The following WDR49 variants were observed in gnomAD, a reference collection of about 807,000 sequenced individuals.
WDR49 encodes WD repeat domain 49.
Under a neutral mutation model 119.5 loss-of-function variants are expected in WDR49, and 107 were observed. That is an observed-to-expected ratio of 0.90 (90% confidence interval 0.77 to 1.05). WDR49 has a LOEUF of 1.05. Among genes scored for constraint, WDR49 ranks in the 50% least tolerant of loss-of-function variants. The pLI is 0.00. For missense variants in WDR49, 1,240 were observed against 1,220.5 expected (o/e 1.02, Z -0.24); for synonymous variants, 425 against 418.8 (o/e 1.01, Z -0.18).
chr3:167,596,486 A>G (rs1363474419), intron 7 of WDR49, among the ~76,000 whole-genome samples: 2 of 151,708 alleles, frequency 1.3e-5, no homozygotes, highest in Non-Finnish European at 2.9e-5. Flanking sequence ...TCCAACAATG[A>G]TAGACTGGAT....
chr3:167,505,411 C>A lies in WDR49; in HGVS notation c.2780G>T (p.Arg927Ile). The A allele has an allele frequency of 6.6e-7, 1 of 1,511,720 alleles. No individual in the cohort carries two copies. Among genetic ancestry groups the A allele is most frequent in the South Asian group, 1.4e-5 (1 of 73,242 alleles). 93.6% of individuals were successfully genotyped at this position (1,511,720 alleles called of 1,614,324 possible). Reference protein sequence around the residue: ...KNKDDSTYNVRPSEDINLDIK... With the variant: ...KNKDDSTYNVIPSEDINLDIK... The stretch of plus-strand genomic sequence containing the variant: ...ATCTAAATTTATATCTTCTGATGGT[C>A]TGACACTGGAAGAAAATATTTCATG... The change falls in exon 17 of 19, where the codon AGA becomes ATA. Residue 927 changes from arginine to isoleucine, a missense_variant. Physicochemically the swap from Arg to Ile is moderately conservative, Grantham distance 97 (BLOSUM62 -3). Transcript: ENST00000682715.
Position 167,478,986 on chromosome 3 carries a change from AG to A in WDR49, c.3041del (p.Ala1014ValfsTer31), listed in dbSNP as rs1223833879. On this transcript the variant is annotated frameshift_variant, in exon 19 of 19. Coordinates refer to ENST00000682715, the MANE Select transcript of WDR49 (RefSeq NM_001366157.1). LOFTEE classifies it high-confidence loss of function. ...GAAACAGGTTTTTCTCATCAAATAC[AG>A]CTTTCAAAGCTACAAAATGATGAGG... ...EAPSLFKTLK[A>X]VFDEKNLFPK... is the part of the protein sequence containing the mutation. The A allele has an allele frequency of 1.1e-5, 17 of 1,594,656 alleles. No homozygotes were observed. Among genetic ancestry groups the A allele is most frequent in the African/African-American group, 4.1e-5 (3 of 74,068 alleles).
At chr3:167,538,160 C>T (rs184886942) in intron 10 of WDR49, among the ~76,000 whole-genome samples, 3 of 152,136 alleles carry the variant, frequency 2.0e-5, no homozygotes, top group Non-Finnish European at 4.4e-5. Flanking sequence ...CACTGCTATA[C>T]AAATGGCTCT....
chr3:167,520,639 C>T (rs909940816), intron 16 of WDR49, among the ~76,000 whole-genome samples: 7 of 152,066 alleles, frequency 4.6e-5, no homozygotes, highest in Non-Finnish European at 8.8e-5. Flanking sequence ...TAACAGAATG[C>T]TAAAGGGGAA....
At chr3:167,640,283 T>C (rs1022358830) in intron 2 of WDR49, among the ~76,000 whole-genome samples, 2 of 151,866 alleles carry the variant, frequency 1.3e-5, no homozygotes, top group Non-Finnish European at 2.9e-5. Flanking sequence ...ATTGTTATTC[T>C]CTCTTGTTCT....
In WDR49 at chr3:167,598,836, C is replaced by T. The variant is rs557792619; in HGVS notation, c.1275+3291G>A. Among the ~76,000 whole-genome samples, 10 of 152,300 alleles carry T rather than the reference C, an allele frequency of 6.6e-5. No individual in the cohort carries two copies. In the South Asian group the frequency reaches 1.4e-3, roughly 22 times the overall value. On this transcript the variant is annotated intron_variant, in intron 7 of 18. Coordinates refer to ENST00000682715, the MANE Select transcript of WDR49 (RefSeq NM_001366157.1). ...CCAGTGATGCTGTAGTTCTTGCAGA[C>T]TCATAAAGGTCCCAGTTTGGAATCT... is the stretch of plus-strand genomic sequence containing the variant.
intron 8 of WDR49, among the ~76,000 whole-genome samples, chr3:167,561,157 C>T (rs1490965641): frequency 2.6e-5 from 4 of 152,252 alleles, no homozygotes; most frequent in Non-Finnish European, 5.9e-5. Flanking sequence ...TTAAATGCTG[C>T]TTTTCATAAT....
intron 3 of WDR49, among the ~76,000 whole-genome samples, chr3:167,622,044 T>C (rs1441287535): frequency 1.3e-5 from 2 of 152,130 alleles, no homozygotes. Context: ...TGATACAGAC[T>C]CTATAAGTAG....
intron 18 of WDR49, among the ~76,000 whole-genome samples, chr3:167,492,990 C>A (rs1223428622): frequency 1.3e-5 from 2 of 152,194 alleles, no homozygotes; most frequent in East Asian, 3.9e-4. Context: ...CTTTTTGATG[C>A]CTGCTCTGTG....
chr3:167,628,771 A>G (rs975324610), intron 2 of WDR49, among the ~76,000 whole-genome samples: 1 of 152,192 alleles, frequency 6.6e-6, no homozygotes, highest in East Asian at 1.9e-4. Context: ...ATACGTTTTC[A>G]ATGTAAATGA....
Position 167,537,333 on chromosome 3 carries a change from G to A in WDR49, c.1824-333C>T, listed in dbSNP as rs543168220. ...CCCACATGGGTATTATGAAATCACCGAGTTTTATAGCAATAACAATTAAAA... is the reference window on the plus strand; with the variant it reads ...CCCACATGGGTATTATGAAATCACCAAGTTTTATAGCAATAACAATTAAAA... On this transcript the variant is annotated intron_variant, in intron 10 of 18. Transcript: ENST00000682715. Among the ~76,000 whole-genome samples the A allele has an allele frequency of 2.5e-4, 38 of 152,166 alleles. No individual in the cohort carries two copies. In the South Asian group the frequency reaches 7.0e-3, roughly 28 times the overall value.
At chr3:167,543,172 C>T (rs995209827) in intron 10 of WDR49, among the ~76,000 whole-genome samples, 1 of 151,766 alleles carries the variant, frequency 6.6e-6, no homozygotes, top group African/African-American at 2.4e-5. Flanking sequence ...AAAAAAAGTC[C>T]AGGACTGGAT....
At chr3:167,536,791 T>G in intron 11 of WDR49, 79 bp downstream of exon 11, 1 of 1,254,988 alleles carries the variant, frequency 8.0e-7, no homozygotes, top group Non-Finnish European at 1.0e-6. Context: ...AGAAAAAGCT[T>G]TTCTAAAGGT....
At chr3:167,531,763 T>G (rs1203972039) in intron 12 of WDR49, among the ~76,000 whole-genome samples, 1 of 152,174 alleles carries the variant, frequency 6.6e-6, no homozygotes, top group Non-Finnish European at 1.5e-5. Flanking sequence ...ACTTCAATTA[T>G]CTAATGACAT....
intron 7 of WDR49, among the ~76,000 whole-genome samples, chr3:167,586,070 C>T (rs1714798317): frequency 6.6e-6 from 1 of 152,092 alleles, no homozygotes; most frequent in South Asian, 2.1e-4. Context: ...TTGTATTGTT[C>T]TTACCAACCA....
At chr3:167,497,776 A>G (rs973901067) in intron 18 of WDR49, among the ~76,000 whole-genome samples, 2 of 151,616 alleles carry the variant, frequency 1.3e-5, no homozygotes. Flanking sequence ...GACTATCTTT[A>G]CAACTTTGTC....
chr3:167,532,797 G>T, intron 12 of WDR49, 82 bp downstream of exon 12: 1 of 883,796 alleles, frequency 1.1e-6, no homozygotes, highest in Non-Finnish European at 1.8e-6. Context: ...TTAGGATCAA[G>T]TCGCATCAGG....
intron 12 of WDR49, among the ~76,000 whole-genome samples, chr3:167,531,658 C>T (rs896780520): frequency 1.6e-4 from 25 of 152,092 alleles, no homozygotes; most frequent in Non-Finnish European, 3.4e-4. Context: ...TTATAATGAA[C>T]ATGAGTTCTA....
In WDR49 at chr3:167,653,442, C is replaced by T. The variant is rs544676646; in HGVS notation, c.-17G>A. On this transcript the variant is annotated 5_prime_UTR_variant, in exon 2 of 19. Transcript: ENST00000682715. ...GCAACTCATAATGGCTTCACCTTTTCTCAGTTGCCTTCAACTATTTCTATA... is the reference window on the plus strand; with the variant it reads ...GCAACTCATAATGGCTTCACCTTTTTTCAGTTGCCTTCAACTATTTCTATA... 448 of 1,475,922 alleles carry T rather than the reference C, an allele frequency of 3.0e-4. 5 individuals are homozygous for T. The South Asian group carries it at 3.2e-3, about 11-fold the overall frequency. The allele number at this position is 1,475,922 out of a possible 1,614,324, so 91.4% of individuals were successfully genotyped here. A position where few individuals can be genotyped will look rare whatever the true frequency, so the allele number is the denominator to read the frequency against.
Sources: allele counts gnomAD v4.1 joint callset (sites outside exome capture counted in the v4.1 genomes callset), GRCh38; gene constraint gnomAD v4.1.1; transcripts MANE v1.5; gene names NCBI Gene and HGNC (gene_info 2026-07-23, HGNC 2026-07-21).